FGF12: variants seen among roughly 807,000 people sequenced by gnomAD.
FGF12 encodes the protein fibroblast growth factor 12.
In FGF12, 14 loss-of-function variants were observed where a neutral mutation model predicts 23.6. The ratio of observed to expected loss-of-function variants is 0.59; its 90% CI spans 0.39 to 0.93. The LOEUF (loss-of-function observed/expected upper bound fraction) is 0.93. FGF12 is among the 40% of genes least tolerant of loss of function. The pLI is 0.00. For synonymous variants in FGF12, 62 were observed against 77.3 expected, an observed-to-expected ratio of 0.80 and a Z score of 1.04; for missense variants, 175 against 217.8, an observed-to-expected ratio of 0.80 and a Z score of 1.24.
chr3:192,386,123 A>C (rs1223277652), intron 2 of FGF12, among the ~76,000 whole-genome samples: 1 of 152,218 alleles, frequency 6.6e-6, no homozygotes, highest in African/African-American at 2.4e-5. Flanking sequence ...CACACATCTA[A>C]TTAGTGACAT....
At chr3:192,568,181 C>T (rs1009215777) in intron 2 of FGF12, among the ~76,000 whole-genome samples, 6 of 152,094 alleles carry the variant, frequency 3.9e-5, no homozygotes, top group Admixed American at 1.3e-4. Flanking sequence ...TTAGGGTCCA[C>T]CTAGATAATT....
chr3:192,532,006 G>T (rs577946579), intron 2 of FGF12, among the ~76,000 whole-genome samples: 81 of 152,256 alleles, frequency 5.3e-4, no homozygotes, highest in Non-Finnish European at 7.9e-4. Flanking sequence ...TTAATAGGGT[G>T]TCCTTTCCCC....
intron 2 of FGF12, among the ~76,000 whole-genome samples, chr3:192,398,891 C>T (rs1720639585): frequency 6.6e-6 from 1 of 152,162 alleles, no homozygotes; most frequent in Non-Finnish European, 1.5e-5. Flanking sequence ...AATCCTTCTT[C>T]CTCTGAGGCT....
chr3:192,646,662 C>T (rs893868932), intron 2 of FGF12, among the ~76,000 whole-genome samples: 2 of 152,054 alleles, frequency 1.3e-5, no homozygotes, highest in Non-Finnish European at 2.9e-5. Flanking sequence ...TCATAGTAGG[C>T]AAATCGTTAG....
intron 2 of FGF12, among the ~76,000 whole-genome samples, chr3:192,443,918 A>G (rs1415752645): frequency 1.3e-5 from 2 of 152,186 alleles, no homozygotes; most frequent in Non-Finnish European, 2.9e-5. Flanking sequence ...AGTGGCTGAG[A>G]AGCACTGGCG....
intron 2 of FGF12, among the ~76,000 whole-genome samples, chr3:192,455,976 G>C (rs1424616188): frequency 1.3e-5 from 2 of 152,160 alleles, no homozygotes; most frequent in African/African-American, 4.8e-5. Flanking sequence ...GCCTTGCAGA[G>C]GTGGTCCCCT....
intron 2 of FGF12, among the ~76,000 whole-genome samples, chr3:192,711,446 G>A (rs1009033936): frequency 6.6e-6 from 1 of 152,188 alleles, no homozygotes. Context: ...TCTGGGAGGT[G>A]TACCCAACAG....
chr3:192,424,122 G>A (rs925659749), intron 2 of FGF12, among the ~76,000 whole-genome samples: 1 of 150,356 alleles, frequency 6.7e-6, no homozygotes, highest in Non-Finnish European at 1.5e-5. Context: ...TCCCCAAAAC[G>A]TCCCCAGTTA....
chr3:192,201,578 G>C (rs114315138), intron 4 of FGF12, among the ~76,000 whole-genome samples: 1 of 152,060 alleles, frequency 6.6e-6, no homozygotes, highest in African/African-American at 2.4e-5. Flanking sequence ...CTTGTAACCC[G>C]CAGAGCTTGA....
intron 3 of FGF12, among the ~76,000 whole-genome samples, chr3:192,343,335 C>A (rs958329833): frequency 6.6e-6 from 1 of 152,122 alleles, no homozygotes; most frequent in Non-Finnish European, 1.5e-5. Flanking sequence ...AAAATGTTCT[C>A]AATCAAGATA....
At chr3:192,325,773 T>G (rs1194801352) in intron 4 of FGF12, among the ~76,000 whole-genome samples, 1 of 152,154 alleles carries the variant, frequency 6.6e-6, no homozygotes, top group Non-Finnish European at 1.5e-5. Context: ...TCTTTACCTC[T>G]CCCTTACCTT....
chr3:192,589,112 G>A (rs889106294), intron 2 of FGF12, among the ~76,000 whole-genome samples: 2 of 151,746 alleles, frequency 1.3e-5, no homozygotes, highest in South Asian at 2.1e-4. Context: ...CGAGGCAGGT[G>A]GATCACAAGG....
At chr3:192,236,106 C>A (rs1030606806) in intron 4 of FGF12, among the ~76,000 whole-genome samples, 1 of 152,128 alleles carries the variant, frequency 6.6e-6, no homozygotes, top group Non-Finnish European at 1.5e-5. Context: ...GCCTTAATTG[C>A]ATTCTTCACA....
rs111520545 is a variant in FGF12 at position 192,296,228 on chromosome 3, A to AT, written c.228+39132dup. Among the ~76,000 whole-genome samples the AT allele has an allele frequency of 6.4e-3, 850 of 132,980 alleles. 6 individuals carry two copies. The highest frequency in any genetic ancestry group is 0.025 in the Middle Eastern group (6 of 240). The allele number at this position is 132,980 out of a possible 152,430, so 87.2% of individuals were successfully genotyped here. A position where few individuals can be genotyped will look rare whatever the true frequency, so the allele number is the denominator to read the frequency against. On this transcript the variant is annotated intron_variant, in intron 4 of 5. Transcript: ENST00000445105. ...GCCTACAATGTTTTCATTTTATTTT[A>AT]TTTTTTTTTTTTTGAGACAGGGTCT...
intron 2 of FGF12, among the ~76,000 whole-genome samples, chr3:192,461,596 T>G (rs1040615349): frequency 6.6e-6 from 1 of 152,204 alleles, no homozygotes; most frequent in Admixed American, 6.5e-5. Context: ...TCCTACAAGC[T>G]ATATAACTGA....
chr3:192,353,097 G>A (rs1718298433), intron 3 of FGF12, among the ~76,000 whole-genome samples: 1 of 152,092 alleles, frequency 6.6e-6, no homozygotes, highest in Non-Finnish European at 1.5e-5. Flanking sequence ...TGTACTATCT[G>A]AATTTGTATA....
chr3:192,454,600 T>C (rs900722505), intron 2 of FGF12, among the ~76,000 whole-genome samples: 1 of 152,202 alleles, frequency 6.6e-6, no homozygotes, highest in Non-Finnish European at 1.5e-5. Context: ...TGTAGTCTGA[T>C]AAACATGGTG....
At chr3:192,652,142 G>A (rs188496131) in intron 2 of FGF12, among the ~76,000 whole-genome samples, 1 of 152,284 alleles carries the variant, frequency 6.6e-6, no homozygotes, top group Non-Finnish European at 1.5e-5. Context: ...AGATTAAAGT[G>A]GATAAAACGA....
chr3:192,583,663 C>T (rs1051229216), intron 2 of FGF12, among the ~76,000 whole-genome samples: 1 of 152,170 alleles, frequency 6.6e-6, no homozygotes, highest in Non-Finnish European at 1.5e-5. Context: ...TGAAGAGCAA[C>T]GTCACAGTCT....
Sources: gnomAD v4.1 joint callset for allele counts (sites outside exome capture counted in the v4.1 genomes callset) on GRCh38, gnomAD v4.1.1 for gene constraint, MANE v1.5 for transcripts, NCBI Gene and HGNC (gene_info 2026-07-23, HGNC 2026-07-21) for gene names.